JCHAIN: variants seen among roughly 807,000 people sequenced by gnomAD.
JCHAIN encodes joining chain of multimeric IgA and IgM.
In JCHAIN, 5 loss-of-function variants were observed where a neutral mutation model predicts 11.1. That is an observed-to-expected ratio of 0.45 (90% CI 0.24 to 0.95). The LOEUF is 0.95. JCHAIN is among the 40% of genes least tolerant of loss of function. The pLI is 0.21. For synonymous variants in JCHAIN, 51 were observed against 67.8 expected, an observed-to-expected ratio of 0.75 and a Z score of 1.22; for missense variants, 165 against 192.7, an observed-to-expected ratio of 0.86 and a Z score of 0.85.
chr4:70,666,324 C>T (rs2148529829), intron 1 of JCHAIN, 103 bp downstream of exon 1: 1 of 723,438 alleles, frequency 1.4e-6, no homozygotes, highest in East Asian at 2.7e-5. Flanking sequence ...AAGTAGCTGG[C>T]TAACTGGCCA....
At chr4:70,656,873 A>T (rs79236287) in intron 3 of JCHAIN, among the ~76,000 whole-genome samples, 9,326 of 152,048 alleles carry the variant, frequency 0.061, 966 homozygotes, top group African/African-American at 0.21. Context: ...GAGAATTTTT[A>T]AAAAAATTGA....
Position 70,657,203 on chromosome 4 carries a change from T to C in JCHAIN, c.269+8A>G, listed in dbSNP as rs1577978029. ...ATCTATATTACTATGGAAAAAAATA[T>C]ATCTTACAGGTCAGACAAATGGTAC... On this transcript the variant is annotated splice_region_variant and intron_variant, in intron 3 of 3. Transcript: ENST00000254801. 1.3e-6 allele frequency: 2 copies of C among 1,511,534 alleles called. No homozygotes were observed. The highest frequency in any genetic ancestry group is 1.8e-6 in the Non-Finnish European group (2 of 1,090,538). 93.6% of individuals were successfully genotyped at this position (1,511,534 alleles called of 1,614,324 possible).
rs144351528 is a variant in JCHAIN, at chr4:70,663,917, A to G, written c.65-1702T>C. ...TTTACATAAGTAATGCTATTAAATAAGAGTGCTAATTAATAATAACAATGA... is the reference window on the plus strand; with the variant it reads ...TTTACATAAGTAATGCTATTAAATAGGAGTGCTAATTAATAATAACAATGA... On this transcript the variant is annotated intron_variant, in intron 1 of 3. Coordinates refer to ENST00000254801, the MANE Select transcript of JCHAIN (RefSeq NM_144646.4). Among the ~76,000 whole-genome samples, 232 of 151,684 alleles carry G rather than the reference A, an allele frequency of 1.5e-3. 2 individuals are homozygous for G. The highest frequency in any genetic ancestry group is 5.4e-3 in the African/African-American group (222 of 41,458).
Position 70,662,131 on chromosome 4 carries a change from T to G in JCHAIN, c.149A>C (p.Asp50Ala). ...TCTCTCCACAATGTCCTCATTAGGA[T>G]CTTCGGAAGAACGGATGATCCTGGA... is the stretch of plus-strand genomic sequence containing the variant. ...ITSRIIRSSE[D>A]PNEDIVERNI... The change falls in exon 2 of 4, where the codon GAT becomes GCT. Residue 50 changes from aspartate to alanine, a missense_variant. By Grantham distance (126) the Asp-to-Ala change is moderately radical. Transcript: ENST00000254801. The G allele has an allele frequency of 6.2e-7, 1 of 1,613,758 alleles. No homozygotes were observed. Among genetic ancestry groups the G allele is most frequent in the South Asian group, 1.1e-5 (1 of 91,072 alleles).
intron 2 of JCHAIN, among the ~76,000 whole-genome samples, chr4:70,659,951 C>T (rs188497936): frequency 3.9e-5 from 6 of 152,202 alleles, no homozygotes; most frequent in African/African-American, 1.4e-4. Flanking sequence ...AGAAGATCAA[C>T]ACATCAGGCA....
chr4:70,662,244 G>A (rs545758916), intron 1 of JCHAIN, 29 bp from the exon 2 acceptor site: 27 of 1,587,674 alleles, frequency 1.7e-5, no homozygotes, highest in Non-Finnish European at 2.3e-5. Flanking sequence ...TAAAAAGAAA[G>A]GAAAACAAAG....
intron 1 of JCHAIN, 67 bp from the exon 2 acceptor site, chr4:70,662,282 AT>A: frequency 7.0e-7 from 1 of 1,420,044 alleles, no homozygotes; most frequent in Non-Finnish European, 9.7e-7. Context: ...GTATTGAGTT[AT>A]TTTATCTTTC....
intron 1 of JCHAIN, among the ~76,000 whole-genome samples, chr4:70,665,157 G>C (rs1256128843): frequency 2.6e-5 from 4 of 152,154 alleles, no homozygotes; most frequent in Non-Finnish European, 5.9e-5. Flanking sequence ...TTACTAAAAA[G>C]TGATTGCCTT....
At chr4:70,665,550 A>G (rs1168888112) in intron 1 of JCHAIN, among the ~76,000 whole-genome samples, 1 of 152,056 alleles carries the variant, frequency 6.6e-6, no homozygotes, top group Non-Finnish European at 1.5e-5. Context: ...AGTCACTGTA[A>G]GCTGAAAGTA....
intron 1 of JCHAIN, 86 bp from the exon 2 acceptor site, chr4:70,662,301 C>A (rs1739075122): frequency 1.6e-6 from 2 of 1,225,126 alleles, no homozygotes; most frequent in Non-Finnish European, 2.3e-6. Flanking sequence ...TTCTTGCCTG[C>A]AGAAAAATAG....
chr4:70,663,149 A>G (rs1053212268), intron 1 of JCHAIN, among the ~76,000 whole-genome samples: 3 of 152,192 alleles, frequency 2.0e-5, no homozygotes, highest in Non-Finnish European at 4.4e-5. Flanking sequence ...TTTGAATGTC[A>G]ACATTTATTG....
At chr4:70,657,963 T>G (rs1221240843) in intron 2 of JCHAIN, among the ~76,000 whole-genome samples, 1 of 152,162 alleles carries the variant, frequency 6.6e-6, no homozygotes, top group African/African-American at 2.4e-5. Flanking sequence ...TCAGGTGATT[T>G]CATTAACTTT....
chr4:70,656,556 T>C lies in JCHAIN; in HGVS notation c.270-17A>G. 2 of 1,577,558 alleles carry C rather than the reference T, an allele frequency of 1.3e-6. No individual in the cohort carries two copies. The highest frequency in any genetic ancestry group is 2.2e-5 in the South Asian group (2 of 90,288). On this transcript the variant is annotated splice_polypyrimidine_tract_variant and intron_variant, in intron 3 of 3. Coordinates refer to ENST00000254801, the MANE Select transcript of JCHAIN (RefSeq NM_144646.4). ...TTTTTACAGCTGAAAAGCAAATATATGTATTAGACAATCCCCTCAAATGCT... is the reference window on the plus strand; with the variant it reads ...TTTTTACAGCTGAAAAGCAAATATACGTATTAGACAATCCCCTCAAATGCT...
intron 2 of JCHAIN, among the ~76,000 whole-genome samples, 193 bp downstream of exon 2, chr4:70,661,899 A>G (rs1441719199): frequency 6.6e-6 from 1 of 152,252 alleles, no homozygotes; most frequent in African/African-American, 2.4e-5. Flanking sequence ...GATTGGCTGT[A>G]ATCTTTCATT....
chr4:70,657,364 G>A (rs6831615), intron 2 of JCHAIN, 73 bp from the exon 3 acceptor site: 8 of 879,130 alleles, frequency 9.1e-6, no homozygotes, highest in South Asian at 2.8e-5. Context: ...ATGAGTATAC[G>A]GCCACTATTT....
At chr4:70,659,790 C>A (rs755067568) in intron 2 of JCHAIN, among the ~76,000 whole-genome samples, 4 of 151,856 alleles carry the variant, frequency 2.6e-5, no homozygotes. Context: ...TTGTTTGAAC[C>A]CAGGAGGCAG....
At chr4:70,660,336 C>T (rs918818740) in intron 2 of JCHAIN, among the ~76,000 whole-genome samples, 1 of 150,950 alleles carries the variant, frequency 6.6e-6, no homozygotes, top group South Asian at 2.1e-4. Flanking sequence ...GATGTAAAAG[C>T]ACTGTGAATG....
rs1484119460 is a variant in JCHAIN, at chr4:70,656,208, A to G, written c.*121T>C. ...TTTGGTGGCAGGGAGTTGGTTTTACATCACCCAAAAAAAAAAAAAAGCCCT... is the reference window on the plus strand; with the variant it reads ...TTTGGTGGCAGGGAGTTGGTTTTACGTCACCCAAAAAAAAAAAAAAGCCCT... On this transcript the variant is annotated 3_prime_UTR_variant, in exon 4 of 4. Transcript: ENST00000254801. 5.9e-6 allele frequency: 4 copies of G among 676,824 alleles called. No homozygotes were observed. Among genetic ancestry groups the G allele is most frequent in the South Asian group, 4.0e-5 (2 of 50,390 alleles). The allele number at this position is 676,824 out of a possible 1,614,324, so 41.9% of individuals were successfully genotyped here.
chr4:70,659,712 A>C (rs921481196), intron 2 of JCHAIN, among the ~76,000 whole-genome samples: 1 of 151,112 alleles, frequency 6.6e-6, no homozygotes, highest in African/African-American at 2.4e-5. Context: ...AAATACAAAA[A>C]AAAACTAGCT....
Sources: allele counts gnomAD v4.1 joint callset (sites outside exome capture counted in the v4.1 genomes callset), GRCh38; gene constraint gnomAD v4.1.1; transcripts MANE v1.5; gene names NCBI Gene and HGNC (gene_info 2026-07-23, HGNC 2026-07-21).